NGLY1: variants seen among roughly 807,000 people sequenced by gnomAD.
NGLY1 encodes the protein N-glycanase 1.
In NGLY1, 68 loss-of-function variants were observed where a neutral mutation model predicts 84.6. The observed-to-expected ratio is 0.80, with a 90% CI of 0.66 to 0.98. NGLY1 has a LOEUF of 0.98. NGLY1 is among the 50% of genes least tolerant of loss of function. The probability of loss-of-function intolerance (pLI) is 0.00; values close to 1 mark genes in which losing one functional copy is unlikely to be tolerated. For synonymous variants in NGLY1, 280 were observed against 275.2 expected (o/e 1.02, Z -0.17); for missense variants, 779 against 770.2 (o/e 1.01, Z -0.14).
At chr3:25,744,361 C>T (rs1046973773) in intron 4 of NGLY1, among the ~76,000 whole-genome samples, 5 of 152,330 alleles carry the variant, frequency 3.3e-5, no homozygotes, top group Admixed American at 3.3e-4. Context: ...CCAAAGCTAT[C>T]AAATCATGCT....
Position 25,764,201 on chromosome 3 carries a change from G to C in NGLY1, c.357C>G (p.Ser119Arg). The change falls in exon 3 of 12, where the codon AGC becomes AGG. Residue 119 changes from serine (S) to arginine (R), a missense_variant. By Grantham distance (110) the Ser-to-Arg change is moderately radical. Coordinates refer to ENST00000280700, the MANE Select transcript of NGLY1 (RefSeq NM_018297.4). ...GTTGCTGAGATGACTTTACTTTGTG[G>C]CTCTTATTTGAGCCATCCAGTCTGC... ...RSSRLDGSNK[S>R]HKVKSSQQPA... The C allele has an allele frequency of 6.2e-7, 1 of 1,614,106 alleles. No individual in the cohort carries two copies. Among genetic ancestry groups the C allele is most frequent in the Non-Finnish European group, 8.5e-7 (1 of 1,180,032 alleles).
intron 10 of NGLY1, among the ~76,000 whole-genome samples, chr3:25,723,675 AT>A (rs1553650985): frequency 5.9e-5 from 9 of 151,910 alleles, no homozygotes; most frequent in African/African-American, 1.9e-4. Flanking sequence ...GAGAAAAAAA[AT>A]TTTTTTTACA....
chr3:25,756,092 A>C (rs1410268465), intron 3 of NGLY1, among the ~76,000 whole-genome samples: 1 of 152,144 alleles, frequency 6.6e-6, no homozygotes, highest in African/African-American at 2.4e-5. Flanking sequence ...TTTTATTTTT[A>C]CCAAATCTCT....
chr3:25,738,001 T>TGTGATCAAACAATACAACAGGTCAGATTA (rs1228923945), intron 5 of NGLY1, among the ~76,000 whole-genome samples: 8 of 152,218 alleles, frequency 5.3e-5, no homozygotes, highest in Non-Finnish European at 2.9e-5. Flanking sequence ...TATGGCAGAA[T>TGTGATCAAACAATACAACAGGTCAGATTA]GTGATCAAAC....
chr3:25,742,900 AAAAAAAAAAAG>A (rs1177235553), intron 4 of NGLY1, among the ~76,000 whole-genome samples: 2 of 151,606 alleles, frequency 1.3e-5, no homozygotes, highest in African/African-American at 4.8e-5. Context: ...AAAAAAAAAA[AAAAAAAAAAAG>A]GTCTTTGCAG....
At chr3:25,781,598 C>T (rs748223551) in intron 1 of NGLY1, among the ~76,000 whole-genome samples, 4 of 152,156 alleles carry the variant, frequency 2.6e-5, no homozygotes, top group Non-Finnish European at 5.9e-5. Flanking sequence ...TGTCACACCC[C>T]TCATCTTTCA....
At chr3:25,719,895 T>TA (rs57633732) in intron 11 of NGLY1, 119 bp downstream of exon 11, 15 of 906,216 alleles carry the variant, frequency 1.7e-5, no homozygotes, top group East Asian at 2.8e-5. Context: ...TTTTTTTTTT[T>TA]ACTGAAATAG....
At chr3:25,772,459 T>G (rs987985595) in intron 2 of NGLY1, among the ~76,000 whole-genome samples, 2 of 152,208 alleles carry the variant, frequency 1.3e-5, no homozygotes, top group Non-Finnish European at 2.9e-5. Flanking sequence ...GAATAGTTAC[T>G]CCTGCTGGCT....
At chr3:25,785,464 TTA>T (rs148872925), upstream of NGLY1, among the ~76,000 whole-genome samples, 5,672 of 152,054 alleles carry the variant, frequency 0.037, 360 homozygotes, top group African/African-American at 0.13. Context: ...CCTTTACTAA[TTA>T]TATGAGAATA....
rs1435092578 is a variant in NGLY1 at position 25,734,558 on chromosome 3, A to C, written c.1150-576T>G. Reference sequence around the variant, plus strand: ...TCTCTACTGAAAAAAAACAAACAAAAAAAATTAGCCAGGTGTGGTGGCATG... The same window carrying C: ...TCTCTACTGAAAAAAAACAAACAAACAAAATTAGCCAGGTGTGGTGGCATG... On this transcript the variant is annotated intron_variant, in intron 7 of 11. Coordinates refer to ENST00000280700, the MANE Select transcript of NGLY1 (RefSeq NM_018297.4). The C allele has an allele frequency of 1.3e-5, 2 of 155,176 alleles. 1 individual carries two copies. Among genetic ancestry groups the C allele is most frequent in the African/African-American group, 4.8e-5 (2 of 41,452 alleles). 9.6% of individuals were successfully genotyped at this position (155,176 alleles called of 1,614,324 possible).
intron 4 of NGLY1, among the ~76,000 whole-genome samples, chr3:25,741,263 T>G (rs956378984): frequency 1.3e-5 from 2 of 152,050 alleles, no homozygotes; most frequent in African/African-American, 4.8e-5. Context: ...TCAAGACATA[T>G]TATAAAACTC....
At chr3:25,778,821 G>C in intron 1 of NGLY1, 133 bp from the exon 2 acceptor site, 1 of 429,462 alleles carries the variant, frequency 2.3e-6, no homozygotes, top group South Asian at 5.7e-5. Context: ...TAAACCAATG[G>C]TTGTTTTTAC....
rs935658138 is a variant in NGLY1 at position 25,779,204 on chromosome 3, T to C, written c.132-516A>G. Among the ~76,000 whole-genome samples, 11 of 152,166 alleles carry C rather than the reference T, an allele frequency of 7.2e-5. No individual in the cohort carries two copies. The South Asian group carries it at 2.3e-3, about 32-fold the overall frequency. ...CACCCGCCTCAGCCTCCCAAAGTGC[T>C]GGGGATTACAGGCGTGAGCCACCGC... On this transcript the variant is annotated intron_variant, in intron 1 of 11. Coordinates refer to ENST00000280700, the MANE Select transcript of NGLY1 (RefSeq NM_018297.4).
chr3:25,736,271 A>C, intron 6 of NGLY1, 122 bp from the exon 7 acceptor site: 1 of 1,550,982 alleles, frequency 6.4e-7, no homozygotes, highest in Non-Finnish European at 8.7e-7. Context: ...AATTTCAGTT[A>C]ATAAGTGCAT....
At chr3:25,739,900 A>C in intron 4 of NGLY1, 101 bp from the exon 5 acceptor site, 1 of 887,798 alleles carries the variant, frequency 1.1e-6, no homozygotes, top group Non-Finnish European at 1.7e-6. Context: ...ATATGAAAAC[A>C]TAAGATGATT....
At chr3:25,720,726 C>T (rs1023896943) in intron 10 of NGLY1, among the ~76,000 whole-genome samples, 7 of 152,270 alleles carry the variant, frequency 4.6e-5, no homozygotes, top group Admixed American at 3.3e-4. Flanking sequence ...CCTTCATCAA[C>T]GCCCTTTAGC....
chr3:25,743,859 A>G (rs1706279162), intron 4 of NGLY1, among the ~76,000 whole-genome samples: 1 of 152,190 alleles, frequency 6.6e-6, no homozygotes, highest in Non-Finnish European at 1.5e-5. Flanking sequence ...GTAACACCCA[A>G]TTAAGGGTCA....
intron 3 of NGLY1, among the ~76,000 whole-genome samples, chr3:25,756,058 A>G (rs1372171313): frequency 1.3e-5 from 2 of 152,228 alleles, no homozygotes; most frequent in African/African-American, 4.8e-5. Flanking sequence ...AAGGTAATAT[A>G]GCCACTTTTG....
In NGLY1 at chr3:25,748,022, C is replaced by T. The variant is rs189768859; in HGVS notation, c.658+3076G>A. The stretch of plus-strand genomic sequence containing the variant: ...GAAGAGTAAGAATTGTGAGGTATAC[C>T]CAGAGTGTTCTTCACAATTAAGGCC... On this transcript the variant is annotated intron_variant, in intron 4 of 11. Coordinates refer to ENST00000280700, the MANE Select transcript of NGLY1 (RefSeq NM_018297.4). Among the ~76,000 whole-genome samples the T allele has an allele frequency of 1.2e-4, 18 of 152,066 alleles. No individual in the cohort carries two copies. In the East Asian group the frequency reaches 3.5e-3, roughly 29 times the overall value.
Sources: allele counts gnomAD v4.1 joint callset (sites outside exome capture counted in the v4.1 genomes callset), GRCh38; gene constraint gnomAD v4.1.1; transcripts MANE v1.5; gene names NCBI Gene and HGNC (gene_info 2026-07-23, HGNC 2026-07-21).